Variants in DENND2B observed in about 807,000 individuals in gnomAD.
DENND2B encodes DENN domain containing 2B, also known as DENN domain-containing protein 2B.
DENND2B carries 32 observed loss-of-function variants against 116.0 expected under a neutral mutation model. That is an observed-to-expected ratio of 0.28 (90% confidence interval 0.21 to 0.37). DENND2B has a LOEUF of 0.37. Ranked by LOEUF, DENND2B falls within the 10% of genes least tolerant of loss-of-function variation. The pLI is 1.00. For synonymous variants in DENND2B, 588 were observed against 583.9 expected, an observed-to-expected ratio of 1.01 and a Z score of -0.10; for missense variants, 1,276 against 1,477.7, an observed-to-expected ratio of 0.86 and a Z score of 2.24.
At chr11:8,872,485 TAAAAAAAAAAAAAA>T (rs398044981), upstream of DENND2B, among the ~76,000 whole-genome samples, 1 of 102,966 alleles carries the variant, frequency 9.7e-6, no homozygotes, top group Non-Finnish European at 1.9e-5. Context: ...AGACTCCGTC[TAAAAAAAAAAAAAA>T]AAAGAAAAAA....
intron 2 of DENND2B, among the ~76,000 whole-genome samples, chr11:8,732,703 T>C (rs2048325422): frequency 6.6e-6 from 1 of 152,250 alleles, no homozygotes; most frequent in South Asian, 2.1e-4. Context: ...GGGCACACTT[T>C]TCTACTTGTC....
intron 16 of DENND2B, among the ~76,000 whole-genome samples, chr11:8,698,264 G>T (rs1053674054): frequency 5.9e-5 from 9 of 151,646 alleles, no homozygotes; most frequent in African/African-American, 1.5e-4. Flanking sequence ...TCAGCTCCAG[G>T]CAGGAGGCAC....
Position 8,707,140 on chromosome 11 carries a change from G to T in DENND2B, c.2516C>A (p.Pro839Gln). The change falls in exon 13 of 20, where the codon CCA becomes CAA. Residue 839 changes from proline (P) to glutamine (Q), a missense_variant. Coordinates refer to ENST00000313726, the MANE Select transcript of DENND2B (RefSeq NM_213618.2). This position sits in a 1 kb window ranked among gnomAD's most constrained non-coding sequence, Gnocchi z 4.8. ...CACTTTGATGGTCTTCCCTGGGGCT[G>T]GGAAGGGCGACTCCATGAGACTTCT... ...FMRSLMESPF[P>Q]APGKTIKVKT... 1 of 1,613,922 alleles carries T rather than the reference G, an allele frequency of 6.2e-7. No homozygotes were observed. Among genetic ancestry groups the T allele is most frequent in the Non-Finnish European group, 8.5e-7 (1 of 1,179,890 alleles).
chr11:8,894,641 T>G lies in DENND2B; in HGVS notation c.-255-13532A>C, dbSNP rs567114184. On this transcript the variant is annotated intron_variant, in intron 1 of 22. Transcript: ENST00000534127. ...GACATTTATGCAGCCAACAGACACA[T>G]CAAAAAATGCTCACCATCACTGGCC... is the stretch of plus-strand genomic sequence containing the variant. Among the ~76,000 whole-genome samples, 1,451 of 152,040 alleles carry G rather than the reference T, an allele frequency of 9.5e-3. 29 individuals carry two copies. Among genetic ancestry groups the G allele is most frequent in the African/African-American group, 0.034 (1,398 of 41,444 alleles).
intron 1 of DENND2B, among the ~76,000 whole-genome samples, chr11:8,906,509 CAAA>C (rs34773959): frequency 0.36 from 44,193 of 124,194 alleles, 8,029 homozygotes; most frequent in Non-Finnish European, 0.45. Flanking sequence ...AAGAAGTCTT[CAAA>C]AAAAAAAAAA....
intron 1 of DENND2B, among the ~76,000 whole-genome samples, chr11:8,900,521 C>T (rs2064154002): frequency 6.6e-6 from 1 of 151,092 alleles, no homozygotes; most frequent in African/African-American, 2.4e-5. Context: ...ATCACTTGAG[C>T]CTAGGAGGTG....
At chr11:8,869,046 G>A (rs973180810) in intron 2 of DENND2B, among the ~76,000 whole-genome samples, 1 of 152,194 alleles carries the variant, frequency 6.6e-6, no homozygotes, top group Non-Finnish European at 1.5e-5. Context: ...TGCGGCCCCA[G>A]GCGATTCTTC....
intron 3 of DENND2B, among the ~76,000 whole-genome samples, chr11:8,849,822 C>A (rs1201028452): frequency 5.0e-5 from 7 of 140,712 alleles, no homozygotes; most frequent in Admixed American, 7.1e-5. Flanking sequence ...GTCTCCATCT[C>A]AAAAAAAAAA....
intron 1 of DENND2B, among the ~76,000 whole-genome samples, chr11:8,792,076 G>A (rs1276678842): frequency 2.6e-5 from 4 of 151,192 alleles, no homozygotes; most frequent in South Asian, 2.1e-4. Flanking sequence ...ATGATGGTGG[G>A]TGCCTGTAAT....
chr11:8,861,387 T>G (rs2063384651), intron 2 of DENND2B, among the ~76,000 whole-genome samples: 2 of 152,086 alleles, frequency 1.3e-5, no homozygotes, highest in African/African-American at 4.8e-5. Flanking sequence ...TAAACATTTC[T>G]GAAAAGAAGA....
Position 8,729,966 on chromosome 11 carries a change from G to A in DENND2B, c.1324C>T (p.Arg442Cys), listed in dbSNP as rs577617101. Residue 442 changes from arginine (R) to cysteine (C), a missense_variant, in exon 3 of 20, where the codon CGC becomes TGC. Physicochemically the swap from Arg to Cys is radical, Grantham distance 180 (BLOSUM62 -3). Coordinates refer to ENST00000313726, the MANE Select transcript of DENND2B (RefSeq NM_213618.2). Reference sequence around the variant, plus strand: ...ATGCATTACCTGCTCTGGGACTTGCGGTGACCACGCATGTCCTTCTTGGGT... The same window carrying A: ...ATGCATTACCTGCTCTGGGACTTGCAGTGACCACGCATGTCCTTCTTGGGT... ...RRPKKDMRGHRKSQSRKSFEF... is the reference protein window; with the variant it reads ...RRPKKDMRGHCKSQSRKSFEF... The A allele has an allele frequency of 6.8e-6, 11 of 1,614,122 alleles. No individual in the cohort carries two copies. The highest frequency in any genetic ancestry group is 2.2e-5 in the South Asian group (2 of 91,070).
chr11:8,842,526 C>T (rs1188548371), intron 3 of DENND2B, among the ~76,000 whole-genome samples: 1 of 152,160 alleles, frequency 6.6e-6, no homozygotes, highest in African/African-American at 2.4e-5. Context: ...CCCACCACCT[C>T]GTGTTTCTGT....
In DENND2B at chr11:8,717,596, G is replaced by T. The variant is rs147795561; in HGVS notation, c.1629+145C>A. 3.8e-3 allele frequency: 3,629 copies of T among 966,518 alleles called. 13 individuals carry two copies. Among genetic ancestry groups the T allele is most frequent in the Middle Eastern group, 7.4e-3 (21 of 2,836 alleles). 59.9% of individuals were successfully genotyped at this position (966,518 alleles called of 1,614,324 possible). On this transcript the variant is annotated intron_variant, in intron 5 of 19. Transcript: ENST00000313726. The stretch of plus-strand genomic sequence containing the variant: ...TCCTTTATCAGACGAGATCGGGCAC[G>T]TTCAGGGTGGTATGGCCGTAGACCC...
chr11:8,730,034 G>A lies in DENND2B; in HGVS notation c.1256C>T (p.Pro419Leu). Residue 419 changes from proline (P) to leucine (L), a missense_variant, in exon 3 of 20, where the codon CCA becomes CTA. Pro to Leu is a moderately conservative substitution (Grantham distance 98, BLOSUM62 -3). Coordinates refer to ENST00000313726, the MANE Select transcript of DENND2B (RefSeq NM_213618.2). This position sits in a 1 kb window ranked among gnomAD's most constrained non-coding sequence, Gnocchi z 4.1. ...GLPPSPTPAA[P>L]PPLPSTPAPP... is the part of the protein sequence containing the mutation. Reference sequence around the variant, plus strand: ...GGCTGGGGTGGAGGGCAAGGGAGGTGGAGCAGCAGGTGTGGGTGAAGGAGG... The same window carrying A: ...GGCTGGGGTGGAGGGCAAGGGAGGTAGAGCAGCAGGTGTGGGTGAAGGAGG... 1.2e-6 allele frequency: 2 copies of A among 1,614,200 alleles called. No individual in the cohort carries two copies. Among genetic ancestry groups the A allele is most frequent in the African/African-American group, 1.3e-5 (1 of 75,050 alleles).
chr11:8,757,207 A>G, intron 1 of DENND2B: 2 of 411,484 alleles, frequency 4.9e-6, no homozygotes, highest in Non-Finnish European at 9.6e-6. Context: ...TGTCACTATA[A>G]CAGCCATAAT....
intron 3 of DENND2B, among the ~76,000 whole-genome samples, chr11:8,850,611 A>G (rs1000318777): frequency 1.3e-5 from 2 of 152,202 alleles, no homozygotes; most frequent in Non-Finnish European, 2.9e-5. Context: ...GGAAAACAGC[A>G]TGGAGATTTC....
intron 1 of DENND2B, among the ~76,000 whole-genome samples, chr11:8,755,299 C>T (rs2053415848): frequency 6.6e-6 from 1 of 152,180 alleles, no homozygotes; most frequent in African/African-American, 2.4e-5. Flanking sequence ...GACCTTAATC[C>T]TGGAGACCAT....
intron 3 of DENND2B, among the ~76,000 whole-genome samples, chr11:8,842,632 A>C (rs760471361): frequency 2.0e-5 from 3 of 152,178 alleles, no homozygotes; most frequent in Non-Finnish European, 4.4e-5. Flanking sequence ...GTGCTAAACA[A>C]ATGTTCCAAA....
At chr11:8,718,403 G>C in intron 4 of DENND2B, 2 of 1,531,788 alleles carry the variant, frequency 1.3e-6, no homozygotes, top group Non-Finnish European at 1.7e-6. Context: ...GTAGGGAGCA[G>C]GGCTTCGCCA....
Sources: gnomAD v4.1 joint callset for allele counts (sites outside exome capture counted in the v4.1 genomes callset) on GRCh38, gnomAD v4.1.1 for gene constraint, Gnocchi (gnomAD v3.1) non-coding constraint, MANE v1.5 for transcripts, NCBI Gene and HGNC (gene_info 2026-07-23, HGNC 2026-07-21) for gene names.